HECW2: variants seen among roughly 807,000 people sequenced by gnomAD.
HECW2 encodes the protein E3 ubiquitin-protein ligase HECW2.
A neutral mutation model predicts 175.2 loss-of-function variants in HECW2; 61 were observed. That is an observed-to-expected ratio of 0.35 (90% confidence interval 0.28 to 0.43). HECW2 has a LOEUF of 0.43. HECW2 is among the 20% of genes least tolerant of loss of function. The pLI is 1.00. For synonymous variants in HECW2, 671 were observed against 731.0 expected, an observed-to-expected ratio of 0.92 and a Z score of 1.32; for missense variants, 1,524 against 2,000.5, an observed-to-expected ratio of 0.76 and a Z score of 4.54.
intron 11 of HECW2, 117 bp downstream of exon 11, chr2:196,307,818 C>T (rs375632490): frequency 1.0e-6 from 1 of 974,310 alleles, no homozygotes; most frequent in Non-Finnish European, 1.4e-6. Context: ...GTAACAGCTA[C>T]ACTTTAACGA....
intron 1 of HECW2, among the ~76,000 whole-genome samples, chr2:196,585,745 G>A (rs564791349): frequency 1.5e-4 from 23 of 152,094 alleles, no homozygotes; most frequent in Non-Finnish European, 3.2e-4. Flanking sequence ...CCTATACGGA[G>A]GGTATCCAAT....
chr2:196,250,663 T>C (rs760693135), intron 19 of HECW2, among the ~76,000 whole-genome samples: 42 of 152,134 alleles, frequency 2.8e-4, no homozygotes, highest in Non-Finnish European at 5.4e-4. Context: ...GTCATCAAAA[T>C]AGGTGTCCCT....
chr2:196,450,666 A>G (rs530445266), intron 1 of HECW2, among the ~76,000 whole-genome samples: 1 of 152,094 alleles, frequency 6.6e-6, no homozygotes, highest in South Asian at 2.1e-4. Flanking sequence ...CATTTAGTAG[A>G]GACAGGGTTT....
At chr2:196,523,261 AT>A (rs1688486699) in intron 1 of HECW2, among the ~76,000 whole-genome samples, 1 of 151,820 alleles carries the variant, frequency 6.6e-6, no homozygotes, top group African/African-American at 2.4e-5. Flanking sequence ...TTCACTCATC[AT>A]TTGGCTCTCT....
At position 196,220,997 on chromosome 2, in the gene HECW2, A is replaced by C. The variant is rs1039807224; in HGVS notation, c.4147-56T>G. On this transcript the variant is annotated intron_variant, in intron 24 of 28. Transcript: ENST00000644978. ...AAAGCAATACTCTTAATGTTATAACAACATTACTAGCATTGAGCTGAAATC... is the reference window on the plus strand; with the variant it reads ...AAAGCAATACTCTTAATGTTATAACCACATTACTAGCATTGAGCTGAAATC... The C allele has an allele frequency of 4.4e-6, 7 of 1,574,620 alleles. No individual in the cohort carries two copies. In the Admixed American group the frequency reaches 1.0e-4, roughly 23 times the overall value.
At chr2:196,227,937 T>C (rs757386680) in intron 22 of HECW2, among the ~76,000 whole-genome samples, 165 bp downstream of exon 22, 3 of 152,214 alleles carry the variant, frequency 2.0e-5, no homozygotes, top group Non-Finnish European at 4.4e-5. Flanking sequence ...AGACTGCCTA[T>C]ATATTTAAAT....
intron 1 of HECW2, among the ~76,000 whole-genome samples, chr2:196,583,604 T>C (rs1690871101): frequency 6.6e-6 from 1 of 152,170 alleles, no homozygotes; most frequent in African/African-American, 2.4e-5. Flanking sequence ...AGTTCTGAGA[T>C]GAGAGTTATC....
Position 196,590,419 on chromosome 2 carries a change from A to G in HECW2, c.-36+3089T>C, listed in dbSNP as rs558123470. 2.0e-5 allele frequency among the ~76,000 whole-genome samples: 3 copies of G among 152,262 alleles called. No homozygotes were observed. The South Asian group carries it at 6.2e-4, about 32-fold the overall frequency. ...TGATAACAGAGCTGGAAAGGTTTTC[A>G]CCCAATGCTGCCATTCCCTATCCAA... On this transcript the variant is annotated intron_variant, in intron 1 of 28. Transcript: ENST00000644978.
chr2:196,254,135 A>G, intron 18 of HECW2, 106 bp from the exon 19 acceptor site: 1 of 1,472,078 alleles, frequency 6.8e-7, no homozygotes, highest in South Asian at 1.3e-5. Flanking sequence ...TTTATATCCC[A>G]AAGAGAGCAT....
At chr2:196,560,581 T>C (rs998108208) in intron 1 of HECW2, among the ~76,000 whole-genome samples, 1 of 152,184 alleles carries the variant, frequency 6.6e-6, no homozygotes, top group African/African-American at 2.4e-5. Context: ...ATTTTACCAG[T>C]TCAGTGACTT....
chr2:196,536,062 T>C (rs1400754298), intron 1 of HECW2, among the ~76,000 whole-genome samples: 1 of 152,134 alleles, frequency 6.6e-6, no homozygotes, highest in Non-Finnish European at 1.5e-5. Context: ...TAGAACAACC[T>C]GGAAAGGTAA....
chr2:196,545,952 G>A (rs1047398765), intron 1 of HECW2, among the ~76,000 whole-genome samples: 4 of 152,170 alleles, frequency 2.6e-5, no homozygotes, highest in Admixed American at 1.3e-4. Context: ...ATGACACACT[G>A]AATAGTTTCC....
At chr2:196,389,977 T>A (rs1201329988) in intron 2 of HECW2, among the ~76,000 whole-genome samples, 1 of 152,204 alleles carries the variant, frequency 6.6e-6, no homozygotes, top group Non-Finnish European at 1.5e-5. Flanking sequence ...CCCTTTCTGA[T>A]GGTTCAGGAC....
intron 17 of HECW2, chr2:196,269,296 C>G (rs1689635514): frequency 6.6e-6 from 1 of 152,012 alleles, no homozygotes; most frequent in South Asian, 2.1e-4. Context: ...ACCAGCCTGA[C>G]TAACATGGTG....
At chr2:196,405,420 C>T (rs987241372) in intron 2 of HECW2, among the ~76,000 whole-genome samples, 1 of 152,180 alleles carries the variant, frequency 6.6e-6, no homozygotes, top group Non-Finnish European at 1.5e-5. Flanking sequence ...CCTCTCTCCT[C>T]TAGCTCCCCA....
At chr2:196,440,381 A>T (rs988241012) in intron 1 of HECW2, among the ~76,000 whole-genome samples, 2 of 152,196 alleles carry the variant, frequency 1.3e-5, no homozygotes, top group African/African-American at 4.8e-5. Flanking sequence ...ATTGCTTTGG[A>T]AACCTTAACT....
At chr2:196,515,571 A>G (rs1384920205) in intron 1 of HECW2, among the ~76,000 whole-genome samples, 4 of 152,156 alleles carry the variant, frequency 2.6e-5, no homozygotes, top group African/African-American at 7.2e-5. Flanking sequence ...ACAACATGCA[A>G]CCCTTTCCAA....
At chr2:196,215,326 T>C (rs899965749) in intron 28 of HECW2, among the ~76,000 whole-genome samples, 2 of 152,236 alleles carry the variant, frequency 1.3e-5, no homozygotes. Context: ...AAAGGATCAG[T>C]CTTTTGCTTT....
intron 1 of HECW2, among the ~76,000 whole-genome samples, chr2:196,515,982 A>C (rs1211628597): frequency 6.6e-6 from 1 of 151,816 alleles, no homozygotes; most frequent in Non-Finnish European, 1.5e-5. Flanking sequence ...GTACAAAAAA[A>C]AAAAAATAGT....
Sources: allele counts gnomAD v4.1 joint callset (sites outside exome capture counted in the v4.1 genomes callset), GRCh38; gene constraint gnomAD v4.1.1; transcripts MANE v1.5; gene names NCBI Gene and HGNC (gene_info 2026-07-23, HGNC 2026-07-21).